The following NECAB1 variants were observed in gnomAD, a reference collection of about 807,000 sequenced individuals.
NECAB1 encodes the protein N-terminal EF-hand calcium-binding protein 1.
NECAB1 carries 29 observed loss-of-function variants against 57.5 expected under a neutral mutation model. The ratio of observed to expected loss-of-function variants is 0.50; its 90% CI spans 0.38 to 0.69. NECAB1 has a LOEUF of 0.69. Among genes scored for constraint, NECAB1 ranks in the 30% least tolerant of loss-of-function variants. The probability of loss-of-function intolerance (pLI) is 0.00; values close to 1 mark genes in which losing one functional copy is unlikely to be tolerated. For synonymous variants in NECAB1, 142 were observed against 147.7 expected (o/e 0.96, Z 0.28); for missense variants, 372 against 413.8 (o/e 0.90, Z 0.88).
chr8:90,847,953 A>C (rs1229198037), intron 3 of NECAB1, among the ~76,000 whole-genome samples: 2 of 152,152 alleles, frequency 1.3e-5, no homozygotes, highest in Non-Finnish European at 2.9e-5. Flanking sequence ...CATTTTTCCC[A>C]TTGTCTTGGT....
At chr8:90,905,153 C>G (rs1300934237) in intron 5 of NECAB1, among the ~76,000 whole-genome samples, 1 of 152,078 alleles carries the variant, frequency 6.6e-6, no homozygotes, top group Admixed American at 6.6e-5. Context: ...ACTTAACTAC[C>G]AAGGGCTGGT....
intron 3 of NECAB1, among the ~76,000 whole-genome samples, chr8:90,843,321 G>A (rs1008358051): frequency 2.6e-5 from 4 of 152,164 alleles, no homozygotes; most frequent in Admixed American, 6.5e-5. Flanking sequence ...TTCTTTGGTT[G>A]AATGAGTGTA....
At chr8:90,873,526 GA>G (rs1169381225) in intron 4 of NECAB1, among the ~76,000 whole-genome samples, 1 of 152,176 alleles carries the variant, frequency 6.6e-6, no homozygotes, top group African/African-American at 2.4e-5. Flanking sequence ...GAGAACACAA[GA>G]TTATCTTGAT....
Position 90,891,797 on chromosome 8 carries a change from G to A in NECAB1, c.357+10667G>A, listed in dbSNP as rs577587352. The stretch of plus-strand genomic sequence containing the variant: ...CAACCTCCACCTCCCAGGTTCAAGC[G>A]ATTCTCCTGCCTCAGCCTCCCAAGT... On this transcript the variant is annotated intron_variant, in intron 5 of 12. Coordinates refer to ENST00000417640, the MANE Select transcript of NECAB1 (RefSeq NM_022351.5). Among the ~76,000 whole-genome samples the A allele has an allele frequency of 3.4e-4, 52 of 151,870 alleles. 1 individual carries two copies. In the East Asian group the frequency reaches 6.4e-3, roughly 19 times the overall value.
intron 3 of NECAB1, among the ~76,000 whole-genome samples, chr8:90,836,523 G>T (rs992067655): frequency 2.0e-5 from 3 of 152,150 alleles, no homozygotes; most frequent in Non-Finnish European, 4.4e-5. Context: ...ATCTACCTGT[G>T]GTGGGCCATA....
chr8:90,920,118 A>G (rs922857626), intron 6 of NECAB1, among the ~76,000 whole-genome samples: 1 of 152,182 alleles, frequency 6.6e-6, no homozygotes, highest in Non-Finnish European at 1.5e-5. Context: ...TTCTCACTCA[A>G]AAACAGCTTC....
At chr8:90,840,979 C>T (rs769891965) in intron 3 of NECAB1, among the ~76,000 whole-genome samples, 1 of 150,366 alleles carries the variant, frequency 6.7e-6, no homozygotes. Flanking sequence ...TGACCAAAGC[C>T]GGGCGCAGTG....
rs973561920 is a variant in NECAB1, at chr8:90,907,801, C to T, written c.358-9691C>T. Among the ~76,000 whole-genome samples, 4 of 152,054 alleles carry T rather than the reference C, an allele frequency of 2.6e-5. No homozygotes were observed. The South Asian group carries it at 8.3e-4, about 31-fold the overall frequency. The stretch of plus-strand genomic sequence containing the variant: ...TGTTATTCTGAGCAAGTTATCTATT[C>T]CCAAAGGTTATTTTTTCCTGAATAA... On this transcript the variant is annotated intron_variant, in intron 5 of 12. Transcript: ENST00000417640.
chr8:90,874,467 C>T (rs1808678703), intron 4 of NECAB1, among the ~76,000 whole-genome samples: 1 of 152,212 alleles, frequency 6.6e-6, no homozygotes, highest in Non-Finnish European at 1.5e-5. Flanking sequence ...TATAAGCTAA[C>T]ATGTCAATCT....
At chr8:90,926,282 ACACGAGT>A (rs1672025846) in intron 7 of NECAB1, among the ~76,000 whole-genome samples, 1 of 152,050 alleles carries the variant, frequency 6.6e-6, no homozygotes, top group Non-Finnish European at 1.5e-5. Context: ...TGTCATTTTA[ACACGAGT>A]CTTTATCTAA....
intron 3 of NECAB1, among the ~76,000 whole-genome samples, chr8:90,864,132 A>C (rs1431630646): frequency 6.6e-6 from 1 of 152,112 alleles, no homozygotes; most frequent in Non-Finnish European, 1.5e-5. Flanking sequence ...ACTTTTCGAA[A>C]AAATGTCAAT....
At chr8:90,852,721 C>T (rs1812709497) in intron 3 of NECAB1, among the ~76,000 whole-genome samples, 1 of 152,150 alleles carries the variant, frequency 6.6e-6, no homozygotes, top group African/African-American at 2.4e-5. Flanking sequence ...GGAGAAGAAT[C>T]TGGCCAAAGA....
chr8:90,951,026 T>C, intron 11 of NECAB1, 87 bp from the exon 12 acceptor site: 3 of 648,952 alleles, frequency 4.6e-6, no homozygotes, highest in Non-Finnish European at 4.9e-6. Context: ...TCCCAAACTT[T>C]GCCATCTTGA....
intron 2 of NECAB1, among the ~76,000 whole-genome samples, chr8:90,815,975 A>T (rs1812055413): frequency 6.6e-6 from 1 of 152,026 alleles, no homozygotes; most frequent in African/African-American, 2.4e-5. Context: ...AATGTCTTCC[A>T]AAGTGGCTAA....
intron 10 of NECAB1, among the ~76,000 whole-genome samples, chr8:90,941,210 C>A (rs1810662731): frequency 6.6e-6 from 1 of 152,180 alleles, no homozygotes; most frequent in Non-Finnish European, 1.5e-5. Flanking sequence ...TTCCCTTTTG[C>A]ATCCAGGCAG....
chr8:90,841,489 A>G (rs1563501928), intron 3 of NECAB1, among the ~76,000 whole-genome samples: 1 of 152,188 alleles, frequency 6.6e-6, no homozygotes. Context: ...AGAGATTAAC[A>G]TAGTATCGAG....
intron 3 of NECAB1, among the ~76,000 whole-genome samples, chr8:90,835,685 A>T (rs1260989744): frequency 6.6e-6 from 1 of 152,096 alleles, no homozygotes; most frequent in Non-Finnish European, 1.5e-5. Flanking sequence ...ATCTTCTGTT[A>T]TGTTTGCTAA....
intron 6 of NECAB1, among the ~76,000 whole-genome samples, chr8:90,920,962 G>T (rs887247143): frequency 2.0e-5 from 3 of 152,102 alleles, no homozygotes; most frequent in African/African-American, 7.2e-5. Flanking sequence ...AGTCATCTGG[G>T]GTTCAGAAAG....
chr8:90,879,143 CGAGA>C (rs1199783435), intron 4 of NECAB1, among the ~76,000 whole-genome samples: 1 of 136,892 alleles, frequency 7.3e-6, no homozygotes. Flanking sequence ...ATATATATAT[CGAGA>C]GAGAGAGTGT....
Sources: gnomAD v4.1 joint callset for allele counts (sites outside exome capture counted in the v4.1 genomes callset) on GRCh38, gnomAD v4.1.1 for gene constraint, MANE v1.5 for transcripts, NCBI Gene and HGNC (gene_info 2026-07-23, HGNC 2026-07-21) for gene names.